NRXN3: variants seen among roughly 807,000 people sequenced by gnomAD.
NRXN3 encodes the protein neurexin 3.
Under a neutral mutation model 137.6 loss-of-function variants are expected in NRXN3, and 32 were observed. The observed-to-expected ratio is 0.23, with a 90% CI of 0.18 to 0.31. The LOEUF is 0.31. Among genes scored for constraint, NRXN3 ranks in the 10% least tolerant of loss-of-function variants. The pLI is 1.00. For missense variants in NRXN3, 1,574 were observed against 2,062.5 expected (o/e 0.76, Z 4.59); for synonymous variants, 798 against 784.5 (o/e 1.02, Z -0.29).
intron 2 of NRXN3, among the ~76,000 whole-genome samples, chr14:78,264,115 A>G (rs539723638): frequency 6.6e-6 from 1 of 152,304 alleles, no homozygotes; most frequent in South Asian, 2.1e-4. Context: ...ACTCAGAAGG[A>G]TTAAGAAACT....
At chr14:78,194,851 G>A (rs937195561) in intron 1 of NRXN3, among the ~76,000 whole-genome samples, 4 of 152,180 alleles carry the variant, frequency 2.6e-5, no homozygotes, top group African/African-American at 2.4e-5. Context: ...TCTACGCCCC[G>A]GCTGGCGCTG....
At chr14:78,324,000 T>C (rs1476419720) in intron 4 of NRXN3, among the ~76,000 whole-genome samples, 1 of 152,088 alleles carries the variant, frequency 6.6e-6, no homozygotes, top group Non-Finnish European at 1.5e-5. Context: ...AACAACACTA[T>C]GAGCTGGGTG....
intron 19 of NRXN3, chr14:79,791,388 T>A (rs1313009488): frequency 6.7e-6 from 1 of 150,248 alleles, no homozygotes; most frequent in African/African-American, 2.4e-5. Flanking sequence ...AATTCCGAAG[T>A]TTAGAGAACA....
At chr14:79,076,621 T>C (rs2046020706) in intron 15 of NRXN3, among the ~76,000 whole-genome samples, 1 of 152,194 alleles carries the variant, frequency 6.6e-6, no homozygotes, top group Non-Finnish European at 1.5e-5. Context: ...TTCAATCTAA[T>C]CTTGAAAGTG....
At chr14:78,330,433 T>A (rs2080667814) in intron 4 of NRXN3, among the ~76,000 whole-genome samples, 1 of 152,070 alleles carries the variant, frequency 6.6e-6, no homozygotes, top group Non-Finnish European at 1.5e-5. Context: ...GCCCACCTAA[T>A]TTAGGTGGGC....
rs965017012 is a variant in NRXN3 at position 78,244,541 on chromosome 14, C to T, written c.709+739C>T. ...GCTGGGAAACTCCCCATCACTTCCTCTTAATCATCCCTCACATAAAGAATG... is the reference window on the plus strand; with the variant it reads ...GCTGGGAAACTCCCCATCACTTCCTTTTAATCATCCCTCACATAAAGAATG... On this transcript the variant is annotated intron_variant, in intron 2 of 20. Transcript: ENST00000335750. 2.6e-5 allele frequency among the ~76,000 whole-genome samples: 4 copies of T among 152,182 alleles called. No homozygotes were observed. In the South Asian group the frequency reaches 8.3e-4, roughly 32 times the overall value.
intron 16 of NRXN3, among the ~76,000 whole-genome samples, chr14:79,501,599 AG>A (rs2096827004): frequency 6.6e-6 from 1 of 152,192 alleles, no homozygotes. Flanking sequence ...AAGGCCCTTG[AG>A]GGACTTGCCA....
chr14:78,175,558 C>T (rs1178459125), intron 1 of NRXN3, among the ~76,000 whole-genome samples: 1 of 152,044 alleles, frequency 6.6e-6, no homozygotes, highest in African/African-American at 2.4e-5. Context: ...TGCTGTGGTC[C>T]GGGACCTGCT....
chr14:79,830,873 T>C (rs934835339), intron 20 of NRXN3, among the ~76,000 whole-genome samples: 5 of 25,146 alleles, frequency 2.0e-4, no homozygotes, highest in African/African-American at 1.5e-3. Context: ...CAAGGCTCTG[T>C]TAATAGCTGT....
chr14:79,731,081 G>A (rs556259722), intron 19 of NRXN3, among the ~76,000 whole-genome samples: 7 of 152,316 alleles, frequency 4.6e-5, no homozygotes, highest in Admixed American at 1.3e-4. Flanking sequence ...GCTAAGGAGT[G>A]TGGTTTCTGT....
At chr14:79,804,068 A>G (rs963858387) in intron 19 of NRXN3, among the ~76,000 whole-genome samples, 1 of 151,450 alleles carries the variant, frequency 6.6e-6, no homozygotes, top group African/African-American at 2.4e-5. Flanking sequence ...GGAGTGGTTT[A>G]TTACCTCTTC....
At chr14:78,517,421 C>T (rs887390328) in intron 4 of NRXN3, among the ~76,000 whole-genome samples, 1 of 152,098 alleles carries the variant, frequency 6.6e-6, no homozygotes, top group Non-Finnish European at 1.5e-5. Context: ...TGCTGAGCTA[C>T]CCCAACTGTG....
At chr14:78,838,211 A>G (rs1001907497) in intron 10 of NRXN3, among the ~76,000 whole-genome samples, 1 of 152,166 alleles carries the variant, frequency 6.6e-6, no homozygotes, top group African/African-American at 2.4e-5. Context: ...AAGTCTTTAA[A>G]ATACTTCTTT....
chr14:79,541,947 A>G (rs926514622), intron 16 of NRXN3, among the ~76,000 whole-genome samples: 3 of 152,232 alleles, frequency 2.0e-5, no homozygotes, highest in African/African-American at 7.2e-5. Flanking sequence ...GCTGTCAGAA[A>G]GCAGAGGCAA....
At chr14:79,470,371 T>C (rs1419333100) in intron 16 of NRXN3, among the ~76,000 whole-genome samples, 1 of 152,118 alleles carries the variant, frequency 6.6e-6, no homozygotes, top group Non-Finnish European at 1.5e-5. Context: ...TCTGGTGTCT[T>C]GTGAGGGCCC....
chr14:78,750,380 G>C (rs1016095840), intron 8 of NRXN3, among the ~76,000 whole-genome samples: 8 of 152,180 alleles, frequency 5.3e-5, no homozygotes, highest in Non-Finnish European at 1.2e-4. Flanking sequence ...AGTCGCAAAC[G>C]TAGGAGAGTA....
intron 15 of NRXN3, among the ~76,000 whole-genome samples, chr14:79,031,795 TA>T (rs1403354587): frequency 6.6e-6 from 1 of 152,198 alleles, no homozygotes; most frequent in Non-Finnish European, 1.5e-5. Flanking sequence ...ATAAACATGT[TA>T]AAAACATGGA....
intron 15 of NRXN3, among the ~76,000 whole-genome samples, chr14:79,219,071 T>G (rs533626009): frequency 6.6e-6 from 1 of 152,142 alleles, no homozygotes; most frequent in Admixed American, 6.6e-5. Context: ...AAAAATAAGG[T>G]CTATTTTTTA....
chr14:78,320,664 G>A (rs2079220514), intron 4 of NRXN3, among the ~76,000 whole-genome samples: 1 of 152,298 alleles, frequency 6.6e-6, no homozygotes, highest in East Asian at 1.9e-4. Flanking sequence ...AGTGCCTCAC[G>A]CTGGTGGTCA....
Sources: allele counts gnomAD v4.1 joint callset (sites outside exome capture counted in the v4.1 genomes callset), GRCh38; gene constraint gnomAD v4.1.1; transcripts MANE v1.5; gene names NCBI Gene and HGNC (gene_info 2026-07-23, HGNC 2026-07-21).